The following SLC30A9 variants were observed in gnomAD, a reference collection of about 807,000 sequenced individuals.
SLC30A9 encodes the protein solute carrier family 30 member 9.
Under a neutral mutation model 87.5 loss-of-function variants are expected in SLC30A9, and 58 were observed. The observed-to-expected ratio is 0.66, with a 90% CI of 0.54 to 0.82. SLC30A9 has a LOEUF of 0.82. SLC30A9 is among the 40% of genes least tolerant of loss of function. SLC30A9 has a pLI of 0.00. For synonymous variants in SLC30A9, 234 were observed against 233.0 expected (o/e 1.00, Z -0.04); for missense variants, 557 against 679.1 (o/e 0.82, Z 2.00).
intron 17 of SLC30A9, among the ~76,000 whole-genome samples, chr4:42,081,729 A>C (rs945439451): frequency 2.0e-5 from 3 of 152,200 alleles, no homozygotes; most frequent in African/African-American, 7.2e-5. Flanking sequence ...ATTTAAGAAT[A>C]ATCACCAAAT....
chr4:42,054,482 A>T, intron 9 of SLC30A9, among the ~76,000 whole-genome samples: 1 of 144,930 alleles, frequency 6.9e-6, no homozygotes, highest in African/African-American at 2.4e-5. Flanking sequence ...AATAGTAAGG[A>T]ATTAGTATTG....
intron 7 of SLC30A9, among the ~76,000 whole-genome samples, chr4:42,037,145 A>G (rs577506615): frequency 9.4e-5 from 14 of 149,304 alleles, no homozygotes; most frequent in East Asian, 4.0e-4. Flanking sequence ...CTGTACCCCT[A>G]TTCCCTTTAG....
rs985599986 is a variant in SLC30A9 at position 42,078,284 on chromosome 4, A to G, written c.1621A>G (p.Thr541Ala). ...TAAACATGGAGAAAATATTATTGATACTTTAGGAGCTGAAGTAGATAGACT... is the reference window on the plus strand; with the variant it reads ...TAAACATGGAGAAAATATTATTGATGCTTTAGGAGCTGAAGTAGATAGACT... ...MLKHGENIID[T>A]LGAEVDRLEK... The change falls in exon 17 of 18, where the codon ACT becomes GCT. Residue 541 changes from threonine to alanine, a missense_variant. Coordinates refer to ENST00000264451, the MANE Select transcript of SLC30A9 (RefSeq NM_006345.4). 1 of 1,584,264 alleles carries G rather than the reference A, an allele frequency of 6.3e-7. No homozygotes were observed.
At chr4:42,077,807 A>G (rs1442364263) in intron 16 of SLC30A9, among the ~76,000 whole-genome samples, 1 of 151,778 alleles carries the variant, frequency 6.6e-6, no homozygotes, top group Non-Finnish European at 1.5e-5. Flanking sequence ...ATTCTTTTGC[A>G]TGAAAAATCC....
intron 8 of SLC30A9, among the ~76,000 whole-genome samples, chr4:42,048,452 C>A (rs1717258316): frequency 6.6e-6 from 1 of 152,086 alleles, no homozygotes; most frequent in African/African-American, 2.4e-5. Context: ...ACATACAGTT[C>A]TCTCATTTAT....
intron 7 of SLC30A9, among the ~76,000 whole-genome samples, 153 bp from the exon 8 acceptor site, chr4:42,038,833 C>A (rs1716797511): frequency 6.6e-6 from 1 of 152,168 alleles, no homozygotes; most frequent in Non-Finnish European, 1.5e-5. Flanking sequence ...TTTAATCTTT[C>A]CACTTTCTAA....
chr4:42,030,385 G>T (rs542481631), intron 6 of SLC30A9, among the ~76,000 whole-genome samples: 1 of 152,296 alleles, frequency 6.6e-6, no homozygotes, highest in South Asian at 2.1e-4. Flanking sequence ...TGTAAATTAT[G>T]ATTCCATAAG....
At chr4:41,994,097 C>T (rs1424452347) in intron 1 of SLC30A9, among the ~76,000 whole-genome samples, 2 of 151,868 alleles carry the variant, frequency 1.3e-5, no homozygotes, top group Non-Finnish European at 2.9e-5. Flanking sequence ...GTGGAGGTTG[C>T]AGTGAGCTGA....
At chr4:42,007,335 A>G (rs953755091) in intron 2 of SLC30A9, among the ~76,000 whole-genome samples, 3 of 152,156 alleles carry the variant, frequency 2.0e-5, no homozygotes, top group African/African-American at 7.2e-5. Flanking sequence ...TTTTAATGAG[A>G]TGATGGCTTG....
intron 2 of SLC30A9, among the ~76,000 whole-genome samples, chr4:42,004,749 T>G (rs1232751442): frequency 6.8e-6 from 1 of 147,042 alleles, no homozygotes; most frequent in African/African-American, 2.5e-5. Flanking sequence ...AGCCTTGACC[T>G]CCGGGGCTCG....
intron 17 of SLC30A9, among the ~76,000 whole-genome samples, chr4:42,084,773 G>A (rs1033470673): frequency 6.6e-6 from 1 of 152,112 alleles, no homozygotes; most frequent in South Asian, 2.1e-4. Context: ...GCCCGGCCAG[G>A]TGCCCTTCCT....
chr4:42,088,387 A>T lies in SLC30A9; in HGVS notation c.*2261A>T, dbSNP rs1007478575. The T allele has an allele frequency of 6.6e-6, 1 of 152,338 alleles. No individual in the cohort carries two copies. The highest frequency in any genetic ancestry group is 1.5e-5 in the Non-Finnish European group (1 of 68,156). 9.4% of individuals were successfully genotyped at this position (152,338 alleles called of 1,614,324 possible). A position where few individuals can be genotyped will look rare whatever the true frequency, so the allele number is the denominator to read the frequency against. ...CAGCGAGACCTCATCTCTACTAAAA[A>T]AAGTTAGCCGGGTGTGGTGGTGCTC... On this transcript the variant is annotated 3_prime_UTR_variant, in exon 18 of 18. Transcript: ENST00000264451.
chr4:42,032,789 G>A (rs576189962), intron 6 of SLC30A9, among the ~76,000 whole-genome samples: 6 of 152,292 alleles, frequency 3.9e-5, no homozygotes, highest in African/African-American at 9.6e-5. Context: ...GTATCATGGC[G>A]TCCTTACTTT....
At chr4:42,000,596 T>C (rs957195953) in intron 1 of SLC30A9, among the ~76,000 whole-genome samples, 2 of 152,100 alleles carry the variant, frequency 1.3e-5, no homozygotes, top group Non-Finnish European at 2.9e-5. Context: ...TGAATACTTA[T>C]GTTCCCTTAT....
At chr4:42,064,457 CTTAT>C (rs1358179953) in intron 11 of SLC30A9, among the ~76,000 whole-genome samples, 9 of 152,162 alleles carry the variant, frequency 5.9e-5, no homozygotes, top group Non-Finnish European at 1.0e-4. Flanking sequence ...TTAAACTAGG[CTTAT>C]TTGTTATTCT....
intron 15 of SLC30A9, among the ~76,000 whole-genome samples, chr4:42,073,352 T>C (rs1718392823): frequency 6.6e-6 from 1 of 152,236 alleles, no homozygotes; most frequent in Non-Finnish European, 1.5e-5. Flanking sequence ...ACTGAAAGAC[T>C]GGCAAATTCG....
chr4:42,012,177 A>T (rs778808663), intron 2 of SLC30A9, among the ~76,000 whole-genome samples: 3 of 152,212 alleles, frequency 2.0e-5, no homozygotes, highest in African/African-American at 4.8e-5. Context: ...GACACCACAG[A>T]TTTAAAAACC....
chr4:42,077,012 T>C (rs1458788715), intron 16 of SLC30A9, among the ~76,000 whole-genome samples: 1 of 151,580 alleles, frequency 6.6e-6, no homozygotes, highest in Admixed American at 6.6e-5. Context: ...TTCTCACACG[T>C]TTCCTTGTTC....
chr4:42,064,692 GT>G (rs1718012103), intron 11 of SLC30A9, among the ~76,000 whole-genome samples: 2 of 152,120 alleles, frequency 1.3e-5, no homozygotes, highest in Non-Finnish European at 2.9e-5. Context: ...TTGTGTATAA[GT>G]TTTAAAACTT....
Sources: gnomAD v4.1 joint callset for allele counts (sites outside exome capture counted in the v4.1 genomes callset) on GRCh38, gnomAD v4.1.1 for gene constraint, MANE v1.5 for transcripts, NCBI Gene and HGNC (gene_info 2026-07-23, HGNC 2026-07-21) for gene names.